Variants in TBC1D32 observed in about 807,000 individuals in gnomAD.
TBC1D32 encodes the protein protein broad-minded.
Under a neutral mutation model 170.3 loss-of-function variants are expected in TBC1D32, and 151 were observed. The observed-to-expected ratio is 0.89, with a 90% confidence interval of 0.78 to 1.01. The LOEUF (loss-of-function observed/expected upper bound fraction) is 1.01, where lower values mean the gene tolerates loss of function less well. Among genes scored for constraint, TBC1D32 ranks in the 50% least tolerant of loss-of-function variants. TBC1D32 has a pLI of 0.00. For missense variants in TBC1D32, 1,464 were observed against 1,457.1 expected (o/e 1.00, Z -0.08); for synonymous variants, 498 against 488.0 (o/e 1.02, Z -0.27).
intron 17 of TBC1D32, among the ~76,000 whole-genome samples, chr6:121,253,295 A>G (rs182238759): frequency 3.6e-4 from 55 of 152,314 alleles, no homozygotes; most frequent in African/African-American, 1.3e-3. Flanking sequence ...AAGTGGGCAA[A>G]GGACATGAAG....
At chr6:121,198,043 G>T (rs1790984952) in intron 22 of TBC1D32, among the ~76,000 whole-genome samples, 1 of 146,326 alleles carries the variant, frequency 6.8e-6, no homozygotes, top group South Asian at 2.1e-4. Context: ...TGGACTCCAA[G>T]TTCTTCAGTT....
intron 29 of TBC1D32, among the ~76,000 whole-genome samples, chr6:121,109,277 G>T (rs1251523431): frequency 6.6e-6 from 1 of 152,116 alleles, no homozygotes; most frequent in East Asian, 1.9e-4. Flanking sequence ...GTAAGGGAAG[G>T]CTTCTGTAGT....
chr6:121,126,361 CA>C lies in TBC1D32; in HGVS notation c.2983+16del. The C allele has an allele frequency of 6.3e-7, 1 of 1,582,270 alleles. No individual in the cohort carries two copies. Among genetic ancestry groups the C allele is most frequent in the South Asian group, 1.1e-5 (1 of 87,856 alleles). On this transcript the variant is annotated intron_variant, in intron 26 of 31. Transcript: ENST00000398212. ...CATACTGAGTCTTTTTCAAACTTCA[CA>C]ATGTTTAAAATGTACCTGTATACTC...
intron 17 of TBC1D32, among the ~76,000 whole-genome samples, chr6:121,244,681 C>T (rs889793148): frequency 6.6e-6 from 1 of 152,162 alleles, no homozygotes; most frequent in Admixed American, 6.5e-5. Context: ...TGAAGATACA[C>T]ATGAGCATAT....
chr6:121,258,446 T>G (rs1799329730), intron 15 of TBC1D32, among the ~76,000 whole-genome samples: 1 of 152,014 alleles, frequency 6.6e-6, no homozygotes, highest in South Asian at 2.1e-4. Context: ...TTTTTTTCTG[T>G]TTTTTGTTTT....
At chr6:121,285,994 C>T (rs993530158) in intron 12 of TBC1D32, among the ~76,000 whole-genome samples, 3 of 152,054 alleles carry the variant, frequency 2.0e-5, no homozygotes, top group African/African-American at 7.2e-5. Context: ...CTATACGTCA[C>T]CATCATCAAA....
At chr6:121,161,444 C>T (rs903430772) in intron 22 of TBC1D32, among the ~76,000 whole-genome samples, 2 of 151,626 alleles carry the variant, frequency 1.3e-5, no homozygotes, top group Non-Finnish European at 1.5e-5. Context: ...TAAGTGAGAA[C>T]ATAGAGTATT....
chr6:121,085,236 CATATACATACGTAT>C (rs1776075021), intron 31 of TBC1D32, among the ~76,000 whole-genome samples: 2 of 142,552 alleles, frequency 1.4e-5, no homozygotes, highest in East Asian at 2.1e-4. Context: ...TATATATACA[CATATACATACGTAT>C]ATATATACAC....
chr6:121,158,664 T>C (rs1337795879), intron 24 of TBC1D32, among the ~76,000 whole-genome samples: 2 of 152,154 alleles, frequency 1.3e-5, no homozygotes, highest in African/African-American at 4.8e-5. Flanking sequence ...TGTTTCTGGG[T>C]GCTTTCAGAG....
intron 1 of TBC1D32, among the ~76,000 whole-genome samples, chr6:121,322,456 TAA>T (rs989604533): frequency 6.6e-6 from 1 of 152,190 alleles, no homozygotes; most frequent in African/African-American, 2.4e-5. Flanking sequence ...TTCACCCACT[TAA>T]GAGTGTTTTA....
intron 21 of TBC1D32, among the ~76,000 whole-genome samples, chr6:121,217,602 A>G (rs985064245): frequency 6.6e-6 from 1 of 152,194 alleles, no homozygotes; most frequent in Admixed American, 6.5e-5. Context: ...ATGAGAACTC[A>G]TGGACACAAA....
In TBC1D32 at chr6:121,129,422, A is replaced by T. The variant is rs1414079687; in HGVS notation, c.2899+2205T>A. On this transcript the variant is annotated intron_variant, in intron 25 of 31. Coordinates refer to ENST00000398212, the MANE Select transcript of TBC1D32 (RefSeq NM_152730.6). ...TAAACGCATTTTCAACTTATGATGC[A>T]TTTATTAGGATGTAGCTTCATTGTA... 2.0e-5 allele frequency among the ~76,000 whole-genome samples: 3 copies of T among 152,208 alleles called. No individual in the cohort carries two copies. The East Asian group carries it at 5.8e-4, about 29-fold the overall frequency.
At position 121,137,523 on chromosome 6, in the gene TBC1D32, CACT is replaced by C. The variant is rs1782260055; in HGVS notation, c.2774-5774_2774-5772del. 3.3e-5 allele frequency among the ~76,000 whole-genome samples: 5 copies of C among 149,704 alleles called. No homozygotes were observed. The South Asian group carries it at 1.1e-3, about 32-fold the overall frequency. On this transcript the variant is annotated intron_variant, in intron 24 of 31. Transcript: ENST00000398212. ...CTACTTTATTCTCTGTCCTTACCAC[CACT>C]GAGGAAAAGGAAAACAAAAAAGAAC...
chr6:121,317,831 G>GGT (rs1809147450), intron 2 of TBC1D32, 159 bp from the exon 3 acceptor site: 1 of 487,870 alleles, frequency 2.0e-6, no homozygotes, highest in Admixed American at 4.0e-5. Context: ...AAGAAGAAGT[G>GGT]GTAGAACAGA....
rs566778496 is a variant in TBC1D32, at chr6:121,262,546, G to A, written c.1734-6261C>T. Among the ~76,000 whole-genome samples, 105 of 150,592 alleles carry A rather than the reference G, an allele frequency of 7.0e-4. 1 individual carries two copies. The highest frequency in any genetic ancestry group is 3.4e-3 in the Middle Eastern group (1 of 294). On this transcript the variant is annotated intron_variant, in intron 15 of 31. Transcript: ENST00000398212. ...GGCTGGAATGCAGTGGCATGATCTC[G>A]ACCCACTGCAACCTCCTCCTCCCAG...
intron 30 of TBC1D32, among the ~76,000 whole-genome samples, chr6:121,101,206 A>T (rs984919541): frequency 6.6e-6 from 1 of 152,178 alleles, no homozygotes; most frequent in Non-Finnish European, 1.5e-5. Context: ...CAATTAATAG[A>T]AAAAGAGGGA....
rs1160372863 is a variant in TBC1D32 at position 121,092,293 on chromosome 6, GTTTTTTTTTTTT to G, written c.3466-1264_3466-1253del. On this transcript the variant is annotated intron_variant, in intron 30 of 31. Transcript: ENST00000398212. The stretch of plus-strand genomic sequence containing the variant: ...AATATCTCTTCTCCTTCAGTTTTAT[GTTTTTTTTTTTT>G]TTTTTTTTTTTTTTTTTTGGAGATG... 7.1e-4 allele frequency among the ~76,000 whole-genome samples: 36 copies of G among 50,400 alleles called. 1 individual carries two copies. The highest frequency in any genetic ancestry group is 1.5e-3 in the East Asian group (2 of 1,296). 33.1% of individuals were successfully genotyped at this position (50,400 alleles called of 152,430 possible).
At chr6:121,141,496 G>C (rs1049439877) in intron 24 of TBC1D32, among the ~76,000 whole-genome samples, 1 of 152,066 alleles carries the variant, frequency 6.6e-6, no homozygotes, top group African/African-American at 2.4e-5. Context: ...GCAAAGTGAT[G>C]GAACAGTCAC....
intron 29 of TBC1D32, among the ~76,000 whole-genome samples, chr6:121,107,411 T>A (rs1333243774): frequency 6.6e-6 from 1 of 151,930 alleles, no homozygotes; most frequent in Non-Finnish European, 1.5e-5. Flanking sequence ...TAAATGTATA[T>A]TTATGAAGGT....
Sources: gnomAD v4.1 joint callset for allele counts (sites outside exome capture counted in the v4.1 genomes callset) on GRCh38, gnomAD v4.1.1 for gene constraint, MANE v1.5 for transcripts, NCBI Gene and HGNC (gene_info 2026-07-23, HGNC 2026-07-21) for gene names.